The following NOC4L variants were observed in gnomAD, a reference collection of about 807,000 sequenced individuals.
NOC4L encodes nucleolar complex protein 4 homolog.
In NOC4L, 40 loss-of-function variants were observed where a neutral mutation model predicts 62.8. The observed-to-expected ratio is 0.64, with a 90% CI of 0.49 to 0.83. The LOEUF (loss-of-function observed/expected upper bound fraction) is 0.83. Ranked by LOEUF, NOC4L falls within the 40% of genes least tolerant of loss-of-function variation. The pLI, the probability that NOC4L is intolerant of heterozygous loss-of-function variation, is 0.00. For missense variants in NOC4L, 927 were observed against 701.9 expected, an observed-to-expected ratio of 1.32 and a Z score of -3.62; for synonymous variants, 433 against 299.8, an observed-to-expected ratio of 1.44 and a Z score of -4.59.
intron 9 of NOC4L, among the ~76,000 whole-genome samples, chr12:132,149,710 C>G (rs369227778): frequency 5.7e-5 from 1 of 17,466 alleles, no homozygotes; most frequent in Non-Finnish European, 8.1e-5. Flanking sequence ...GCCTCACTCA[C>G]ACCACACCCC....
intron 2 of NOC4L, 87 bp from the exon 3 acceptor site, chr12:132,145,472 G>A (rs1897677887): frequency 1.2e-6 from 1 of 832,530 alleles, no homozygotes; most frequent in Non-Finnish European, 2.0e-6. Context: ...GACAATGGGA[G>A]GGTGGAGCCA....
intron 3 of NOC4L, 140 bp downstream of exon 3, chr12:132,145,805 C>G: frequency 1.7e-6 from 1 of 605,932 alleles, no homozygotes; most frequent in Non-Finnish European, 2.9e-6. Flanking sequence ...TGTGGGTGTT[C>G]AGTCCCATTC....
rs150774836 is a variant in NOC4L, at chr12:132,151,343, C to A, written c.1048C>A (p.Leu350Met). ...HVKYRARFFHLADLFLSSSHL... is the reference protein window; with the variant it reads ...HVKYRARFFHMADLFLSSSHL... ...CAAGTACCGCGCCCGCTTCTTCCAC[C>A]TGGCTGACCTCTTCCTGTCCTCCTC... Residue 350 changes from leucine (L) to methionine (M), a missense_variant, in exon 11 of 15, where the codon CTG becomes ATG. Coordinates refer to ENST00000330579, the MANE Select transcript of NOC4L (RefSeq NM_024078.3). 6.2e-7 allele frequency: 1 copy of A among 1,610,902 alleles called. No homozygotes were observed. Among genetic ancestry groups the A allele is most frequent in the Admixed American group, 1.7e-5 (1 of 60,008 alleles).
Position 132,148,592 on chromosome 12 carries a change from T to G in NOC4L, c.739-17T>G. ...GGGGTGGGGAGGGCGGCGAGTGCAG[T>G]CTGGACCCCGTTGCAGGAGCACAGG... is the stretch of plus-strand genomic sequence containing the variant. On this transcript the variant is annotated splice_polypyrimidine_tract_variant and intron_variant, in intron 7 of 14. Coordinates refer to ENST00000330579, the MANE Select transcript of NOC4L (RefSeq NM_024078.3). 3 of 1,549,162 alleles carry G rather than the reference T, an allele frequency of 1.9e-6. No homozygotes were observed. Among genetic ancestry groups the G allele is most frequent in the Non-Finnish European group, 2.6e-6 (3 of 1,146,108 alleles).
chr12:132,147,973 C>G lies in NOC4L; in HGVS notation c.697C>G (p.Arg233Gly), dbSNP rs548061561. 6 of 1,610,264 alleles carry G rather than the reference C, an allele frequency of 3.7e-6. No homozygotes were observed. Among genetic ancestry groups the G allele is most frequent in the Non-Finnish European group, 5.1e-6 (6 of 1,178,676 alleles). Reference sequence around the variant, plus strand: ...CACCGTCTCCAGCTTCTATGTGAAGCGGGCGGGTGAGTGTGCTGAGAGTCA... The same window carrying G: ...CACCGTCTCCAGCTTCTATGTGAAGGGGGCGGGTGAGTGTGCTGAGAGTCA... ...EPTVSSFYVK[R>G]AELWDTWKVA... is the part of the protein sequence containing the mutation. The change falls in exon 6 of 15, where the codon CGG becomes GGG. Residue 233 changes from arginine (R) to glycine (G), a missense_variant. Arg to Gly is a moderately radical substitution (Grantham distance 125, BLOSUM62 -2). Transcript: ENST00000330579.
chr12:132,148,445 A>C (rs1897809425), intron 7 of NOC4L, among the ~76,000 whole-genome samples, 164 bp from the exon 8 acceptor site: 2 of 152,198 alleles, frequency 1.3e-5, no homozygotes, highest in Admixed American at 6.5e-5. Flanking sequence ...CTCGAGGGCA[A>C]GGCGTACCTG....
At chr12:132,151,933 C>T in intron 13 of NOC4L, 113 bp downstream of exon 13, 1 of 1,282,272 alleles carries the variant, frequency 7.8e-7, no homozygotes, top group Non-Finnish European at 1.1e-6. Flanking sequence ...CCCCAGCTGG[C>T]CACCTGGGTT....
chr12:132,145,016 G>A (rs913565988), intron 2 of NOC4L, 42 bp downstream of exon 2: 3 of 1,550,968 alleles, frequency 1.9e-6, no homozygotes, highest in Non-Finnish European at 2.6e-6. Context: ...CTCTTTCCGT[G>A]GGTCGGAGGG....
At chr12:132,151,127 C>T (rs544189017) in intron 10 of NOC4L, 86 bp downstream of exon 10, 18 of 1,442,652 alleles carry the variant, frequency 1.2e-5, no homozygotes, top group East Asian at 1.1e-4. Flanking sequence ...CCACGGGGTC[C>T]CCGCTTTCCT....
At chr12:132,147,046 G>A (rs1002126813) in intron 3 of NOC4L, among the ~76,000 whole-genome samples, 2 of 152,280 alleles carry the variant, frequency 1.3e-5, no homozygotes, top group Middle Eastern at 3.4e-3. Flanking sequence ...CCCTTCCCCC[G>A]CCAGACTCTG....
In NOC4L at chr12:132,148,084, C is replaced by T. The variant is rs368176253; in HGVS notation, c.716C>T (p.Thr239Ile). The T allele has an allele frequency of 1.4e-5, 23 of 1,613,468 alleles. No individual in the cohort carries two copies. In the African/African-American group the frequency reaches 2.5e-4, roughly 18 times the overall value. Residue 239 changes from threonine (T) to isoleucine (I), a missense_variant, in exon 7 of 15, where the codon ACC (threonine) becomes ATC (isoleucine). Coordinates refer to ENST00000330579, the MANE Select transcript of NOC4L (RefSeq NM_024078.3). ...FYVKRAELWDTWKVAHLKEHR... is the reference protein window; with the variant it reads ...FYVKRAELWDIWKVAHLKEHR... The stretch of plus-strand genomic sequence containing the variant: ...GCTTTCCCTGCAGAGCTGTGGGACA[C>T]CTGGAAGGTTGCTCACCTGAAGGTG...
intron 8 of NOC4L, 38 bp downstream of exon 8, chr12:132,148,697 C>A: frequency 6.5e-7 from 1 of 1,530,896 alleles, no homozygotes; most frequent in Non-Finnish European, 8.8e-7. Context: ...GGGCGGCATC[C>A]GGGTCTCCCC....
chr12:132,148,772 GC>G lies in NOC4L; in HGVS notation c.790-7del, dbSNP rs746135352. On this transcript the variant is annotated splice_polypyrimidine_tract_variant and intron_variant, in intron 8 of 14. Transcript: ENST00000330579. ...ACCCGCCCCTCACCCCCACCTGCCG[GC>G]CCCCGCCCAGCTGCCCCTCAGCCTC... The G allele has an allele frequency of 4.5e-6, 3 of 670,944 alleles. No individual in the cohort carries two copies. Among genetic ancestry groups the G allele is most frequent in the East Asian group, 2.8e-4 (2 of 7,184 alleles). The allele number at this position is 670,944 out of a possible 1,614,324, so 41.6% of individuals were successfully genotyped here.
chr12:132,145,433 C>G, intron 2 of NOC4L, 126 bp from the exon 3 acceptor site: 1 of 626,416 alleles, frequency 1.6e-6, no homozygotes, highest in Non-Finnish European at 2.8e-6. Flanking sequence ...CCTTAGCGAC[C>G]TGTTTCCACC....
chr12:132,146,929 A>C (rs1345456075), intron 3 of NOC4L, among the ~76,000 whole-genome samples: 1 of 152,100 alleles, frequency 6.6e-6, no homozygotes, highest in African/African-American at 2.4e-5. Context: ...TGCTGGCATC[A>C]CACGCCTGTG....
At chr12:132,151,717 G>T (rs1055213204) in intron 12 of NOC4L, 21 bp from the exon 13 acceptor site, 1 of 1,612,240 alleles carries the variant, frequency 6.2e-7, no homozygotes, top group East Asian at 2.2e-5. Context: ...CGGCAGACAA[G>T]GGCCCACGTC....
At chr12:132,151,433 T>C (rs748140987) in intron 11 of NOC4L, 51 bp from the exon 12 acceptor site, 1 of 1,600,136 alleles carries the variant, frequency 6.2e-7, no homozygotes, top group South Asian at 1.1e-5. Flanking sequence ...CAGGGGAGGG[T>C]GGTGGGGGCT....
At position 132,151,478 on chromosome 12, in the gene NOC4L, G is replaced by A. The variant is rs1872923800; in HGVS notation, c.1074-6G>A. ...GGCCCTGTCTCACAACCACTGCCCTGCCCAGCCACCTCCCCGCCTACCTGG... is the reference window on the plus strand; with the variant it reads ...GGCCCTGTCTCACAACCACTGCCCTACCCAGCCACCTCCCCGCCTACCTGG... On this transcript the variant is annotated splice_region_variant and splice_polypyrimidine_tract_variant and intron_variant, in intron 11 of 14. Coordinates refer to ENST00000330579, the MANE Select transcript of NOC4L (RefSeq NM_024078.3). 2 of 1,600,762 alleles carry A rather than the reference G, an allele frequency of 1.2e-6. No individual in the cohort carries two copies. The highest frequency in any genetic ancestry group is 2.2e-5 in the South Asian group (2 of 90,966).
chr12:132,151,379 G>C lies in NOC4L; in HGVS notation c.1073+11G>C, dbSNP rs1400979801. 6.2e-7 allele frequency: 1 copy of C among 1,607,494 alleles called. No individual in the cohort carries two copies. Reference sequence around the variant, plus strand: ...CTTCCTGTCCTCCTCGTGAGTACCAGGGCACCTGGCTCTGCCCTGCTCTGT... The same window carrying C: ...CTTCCTGTCCTCCTCGTGAGTACCACGGCACCTGGCTCTGCCCTGCTCTGT... On this transcript the variant is annotated intron_variant, in intron 11 of 14. Transcript: ENST00000330579.
Sources: allele counts gnomAD v4.1 joint callset (sites outside exome capture counted in the v4.1 genomes callset), GRCh38; gene constraint gnomAD v4.1.1; transcripts MANE v1.5; gene names NCBI Gene and HGNC (gene_info 2026-07-23, HGNC 2026-07-21).